SCN11A: variants seen among roughly 807,000 people sequenced by gnomAD.
The protein encoded by SCN11A is sodium channel protein type 11 subunit alpha.
In SCN11A, 122 loss-of-function variants were observed where a neutral mutation model predicts 162.2. That is an observed-to-expected ratio of 0.75 (90% CI 0.65 to 0.87). SCN11A has a LOEUF of 0.87. SCN11A is among the 40% of genes least tolerant of loss of function. SCN11A has a pLI of 0.00. For missense variants in SCN11A, 2,015 were observed against 2,181.6 expected (o/e 0.92, Z 1.52); for synonymous variants, 758 against 751.5 (o/e 1.01, Z -0.14).
At chr3:38,854,478 T>C (rs1178811654) in intron 28 of SCN11A, among the ~76,000 whole-genome samples, 2 of 152,048 alleles carry the variant, frequency 1.3e-5, no homozygotes, top group East Asian at 1.9e-4. Context: ...AGATGGGAGA[T>C]AGGAGGCAGG....
chr3:38,854,641 C>T (rs188974073), intron 28 of SCN11A, among the ~76,000 whole-genome samples: 241 of 152,234 alleles, frequency 1.6e-3, no homozygotes, highest in African/African-American at 5.5e-3. Context: ...GCAGACTGCA[C>T]GAGACAGGTG....
chr3:38,984,894 C>CACATGGAATGGAGA (rs1336989767), intron 2 of SCN11A, among the ~76,000 whole-genome samples: 15 of 151,382 alleles, frequency 9.9e-5, no homozygotes, highest in African/African-American at 2.7e-4. Context: ...AATGCAAAGA[C>CACATGGAATGGAGA]CTTGACTCAG....
rs757061261 is a variant in SCN11A at position 38,871,467 on chromosome 3, G to A, written c.3737C>T (p.Ala1246Val). Residue 1246 changes from alanine (A) to valine (V), a missense_variant, in exon 25 of 30, where the codon GCT (alanine) becomes GTT (valine). Transcript: ENST00000302328. The stretch of plus-strand genomic sequence containing the variant: ...TACCACTTGCAGCAGAGCGAGGTAA[G>A]CATTTCCCACATTGTCAAAGTTGAC... ...QKVNFDNVGN[A>V]YLALLQVATF... 17 of 1,610,844 alleles carry A rather than the reference G, an allele frequency of 1.1e-5. No individual in the cohort carries two copies. Among genetic ancestry groups the A allele is most frequent in the Non-Finnish European group, 1.3e-5 (15 of 1,178,656 alleles).
chr3:39,005,078 C>T (rs947409930), intron 2 of SCN11A, among the ~76,000 whole-genome samples: 1 of 152,196 alleles, frequency 6.6e-6, no homozygotes, highest in Non-Finnish European at 1.5e-5. Context: ...GCTGCATGCA[C>T]TGGTGGTCAG....
chr3:38,875,415 C>T (rs1021550453), intron 23 of SCN11A, among the ~76,000 whole-genome samples: 4 of 151,970 alleles, frequency 2.6e-5, no homozygotes, highest in Admixed American at 2.0e-4. Flanking sequence ...ACCTGCAAAA[C>T]CATCTGGGCC....
Position 38,885,389 on chromosome 3 carries a change from G to T in SCN11A, c.2963C>A (p.Thr988Asn). Residue 988 changes from threonine (T) to asparagine (N), a missense_variant, in exon 21 of 30, where the codon ACC becomes AAC. Thr to Asn is a moderately conservative substitution (Grantham distance 65). Transcript: ENST00000302328. ...GGTGCTACATTCTGATAGTATACTG[G>T]TAACATCAGACTTCTGCACATCAGA... The part of the protein sequence containing the change: ...IQDPRKKSDV[T>N]SILSECSTID... 1 of 1,597,404 alleles carries T rather than the reference G, an allele frequency of 6.3e-7. No individual in the cohort carries two copies. Among genetic ancestry groups the T allele is most frequent in the South Asian group, 1.1e-5 (1 of 90,720 alleles).
intron 2 of SCN11A, among the ~76,000 whole-genome samples, chr3:38,980,744 C>T (rs558374575): frequency 3.3e-5 from 5 of 152,260 alleles, no homozygotes; most frequent in Non-Finnish European, 7.4e-5. Flanking sequence ...TTTGTCCCCA[C>T]CTTTGATGAT....
At position 38,889,799 on chromosome 3, in the gene SCN11A, C is replaced by CA. The variant is rs369957302; in HGVS notation, c.2836-3562dup. Among the ~76,000 whole-genome samples the CA allele has an allele frequency of 1.5e-3, 178 of 118,526 alleles. 4 individuals are homozygous for CA. The highest frequency in any genetic ancestry group is 7.8e-3 in the Middle Eastern group (2 of 258). The allele number at this position is 118,526 out of a possible 152,430, so 77.8% of individuals were successfully genotyped here. Reference sequence around the variant, plus strand: ...TGGGCGACAGAGCGAGACTCCATCTCAAAAAAATAAAATAAAATAAAATAA... The same window carrying CA: ...TGGGCGACAGAGCGAGACTCCATCTCAAAAAAAATAAAATAAAATAAAATAA... On this transcript the variant is annotated intron_variant, in intron 19 of 29. Transcript: ENST00000302328.
intron 21 of SCN11A, among the ~76,000 whole-genome samples, chr3:38,884,720 T>C (rs1013460264): frequency 6.6e-6 from 1 of 152,248 alleles, no homozygotes; most frequent in Non-Finnish European, 1.5e-5. Flanking sequence ...ATTTATTGAT[T>C]GCTTATTTTT....
intron 11 of SCN11A, among the ~76,000 whole-genome samples, chr3:38,913,054 A>T (rs1318619673): frequency 1.3e-5 from 2 of 152,176 alleles, no homozygotes; most frequent in Non-Finnish European, 2.9e-5. Context: ...TCTTTGAGGA[A>T]TTGCCACACT....
chr3:39,008,480 C>T (rs762714658), intron 2 of SCN11A, among the ~76,000 whole-genome samples: 11 of 152,084 alleles, frequency 7.2e-5, no homozygotes, highest in South Asian at 4.1e-4. Context: ...AGGAGACACC[C>T]GGATAACTGC....
chr3:39,046,163 G>A (rs1400882918), intron 1 of SCN11A, among the ~76,000 whole-genome samples: 1 of 152,082 alleles, frequency 6.6e-6, no homozygotes, highest in Non-Finnish European at 1.5e-5. Flanking sequence ...AGGAAGCTGG[G>A]GCATGAGAAT....
At chr3:39,031,367 A>G (rs1211805796) in intron 2 of SCN11A, among the ~76,000 whole-genome samples, 1 of 152,052 alleles carries the variant, frequency 6.6e-6, no homozygotes, top group Non-Finnish European at 1.5e-5. Context: ...CTCTACTAAA[A>G]ATACAAAAAT....
chr3:39,043,500 A>T, intron 1 of SCN11A, among the ~76,000 whole-genome samples: 2 of 149,336 alleles, frequency 1.3e-5, no homozygotes, highest in East Asian at 4.0e-4. Flanking sequence ...AAAAAAAAAA[A>T]CCCAGAATCC....
At chr3:39,023,180 G>T (rs1011460241) in intron 2 of SCN11A, among the ~76,000 whole-genome samples, 2 of 152,176 alleles carry the variant, frequency 1.3e-5, no homozygotes, top group African/African-American at 4.8e-5. Context: ...GGGGGAAACT[G>T]GATGGGGACA....
intron 23 of SCN11A, among the ~76,000 whole-genome samples, chr3:38,875,763 A>C (rs997107653): frequency 6.6e-6 from 1 of 152,214 alleles, no homozygotes; most frequent in African/African-American, 2.4e-5. Flanking sequence ...TAGAATCAAC[A>C]TTGTGAAAAT....
chr3:38,982,011 C>CAAA (rs34151284), intron 2 of SCN11A, among the ~76,000 whole-genome samples: 5 of 102,950 alleles, frequency 4.9e-5, no homozygotes, highest in African/African-American at 1.0e-4. Flanking sequence ...GACTCTGTCT[C>CAAA]AAAAAAAAAA....
chr3:39,033,880 A>G (rs58818251), intron 1 of SCN11A, among the ~76,000 whole-genome samples: 12,559 of 152,184 alleles, frequency 0.083, 730 homozygotes, highest in African/African-American at 0.16. Context: ...AATTAAAAGT[A>G]TAGGATGGGC....
At chr3:38,974,746 C>G (rs917671005) in intron 2 of SCN11A, among the ~76,000 whole-genome samples, 6 of 145,284 alleles carry the variant, frequency 4.1e-5, no homozygotes, top group Non-Finnish European at 9.1e-5. Flanking sequence ...AGGCCTAATT[C>G]AAGTCTAATT....
Sources: allele counts gnomAD v4.1 joint callset (sites outside exome capture counted in the v4.1 genomes callset), GRCh38; gene constraint gnomAD v4.1.1; transcripts MANE v1.5; gene names NCBI Gene and HGNC (gene_info 2026-07-23, HGNC 2026-07-21).